The following SLC12A6 variants were observed in gnomAD, a reference collection of about 807,000 sequenced individuals.
The protein encoded by SLC12A6 is K-Cl cotransporter 3.
In SLC12A6, 66 loss-of-function variants were observed where a neutral mutation model predicts 135.3. The observed-to-expected ratio is 0.49, with a 90% confidence interval of 0.40 to 0.60. The LOEUF (loss-of-function observed/expected upper bound fraction) is 0.60. SLC12A6 is among the 20% of genes least tolerant of loss of function. The pLI is 0.00. For synonymous variants in SLC12A6, 513 were observed against 508.8 expected (o/e 1.01, Z -0.11); for missense variants, 1,058 against 1,452.3 (o/e 0.73, Z 4.41).
At chr15:34,254,220 A>G (rs1468769371) in intron 9 of SLC12A6, 128 bp downstream of exon 9, 2 of 964,848 alleles carry the variant, frequency 2.1e-6, no homozygotes, top group Non-Finnish European at 1.7e-6. Context: ...AAGGAAGTCT[A>G]ACTGGGCTTA....
At chr15:34,305,427 A>G (rs1486660787) in intron 2 of SLC12A6, among the ~76,000 whole-genome samples, 1 of 150,368 alleles carries the variant, frequency 6.7e-6, no homozygotes, top group East Asian at 1.9e-4. Flanking sequence ...ATGCTTTGAA[A>G]TATTTATTTT....
intron 2 of SLC12A6, among the ~76,000 whole-genome samples, chr15:34,290,063 T>C (rs1895408699): frequency 6.6e-6 from 1 of 152,182 alleles, no homozygotes; most frequent in African/African-American, 2.4e-5. Flanking sequence ...CTTTCAATTG[T>C]GATGTTAGGG....
At chr15:34,301,650 C>G (rs536226860) in intron 2 of SLC12A6, among the ~76,000 whole-genome samples, 31 of 152,352 alleles carry the variant, frequency 2.0e-4, no homozygotes, top group African/African-American at 7.5e-4. Flanking sequence ...TGTGAATTTA[C>G]TTAGCAATCG....
chr15:34,255,459 CAG>C, intron 7 of SLC12A6, 67 bp from the exon 8 acceptor site: 1 of 1,189,300 alleles, frequency 8.4e-7, no homozygotes, highest in Admixed American at 1.8e-5. Flanking sequence ...ATGAATAAAA[CAG>C]AAATAAGAAA....
intron 2 of SLC12A6, among the ~76,000 whole-genome samples, chr15:34,300,815 A>G (rs961538472): frequency 1.4e-5 from 2 of 146,236 alleles, no homozygotes; most frequent in African/African-American, 5.2e-5. Context: ...AAAAAAAAAA[A>G]GAATGAGAGG....
At chr15:34,290,974 T>C (rs1895480408) in intron 2 of SLC12A6, among the ~76,000 whole-genome samples, 1 of 152,212 alleles carries the variant, frequency 6.6e-6, no homozygotes, top group South Asian at 2.1e-4. Context: ...GCACTTACCC[T>C]ATTTACATTT....
At chr15:34,266,008 CT>C (rs34173980) in intron 3 of SLC12A6, among the ~76,000 whole-genome samples, 26,925 of 102,224 alleles carry the variant, frequency 0.26, 2,853 homozygotes, top group Middle Eastern at 0.39. Context: ...ATACAGAAAG[CT>C]TTTTTTTTTT....
At chr15:34,306,431 C>A (rs1896618857) in intron 2 of SLC12A6, among the ~76,000 whole-genome samples, 1 of 152,214 alleles carries the variant, frequency 6.6e-6, no homozygotes, top group East Asian at 1.9e-4. Flanking sequence ...AAACCAAGTT[C>A]TTTCCTGGAT....
chr15:34,235,118 G>C (rs1427487439), intron 25 of SLC12A6, 63 bp downstream of exon 25: 1 of 1,439,954 alleles, frequency 6.9e-7, no homozygotes, highest in African/African-American at 1.4e-5. Flanking sequence ...TTGTTACCTA[G>C]TTATCTCAGA....
At chr15:34,248,049 T>C (rs1433929727) in intron 13 of SLC12A6, among the ~76,000 whole-genome samples, 1 of 152,250 alleles carries the variant, frequency 6.6e-6, no homozygotes, top group East Asian at 1.9e-4. Context: ...TAAAACTTTA[T>C]ATAAATGATA....
In SLC12A6 at chr15:34,239,172, A is replaced by G; in HGVS notation, c.2437-12T>C. 6.3e-7 allele frequency: 1 copy of G among 1,592,254 alleles called. No individual in the cohort carries two copies. The highest frequency in any genetic ancestry group is 8.6e-7 in the Non-Finnish European group (1 of 1,160,268). On this transcript the variant is annotated splice_polypyrimidine_tract_variant and intron_variant, in intron 19 of 25. Coordinates refer to ENST00000354181, the MANE Select transcript of SLC12A6 (RefSeq NM_001365088.1). Reference sequence around the variant, plus strand: ...AGGTGCTTTATGGTCTGAAAGAGACACAGGACCGCAACACTGAACTGGTTC... The same window carrying G: ...AGGTGCTTTATGGTCTGAAAGAGACGCAGGACCGCAACACTGAACTGGTTC...
At chr15:34,331,080 C>A (rs1889813130) in intron 2 of SLC12A6, among the ~76,000 whole-genome samples, 1 of 152,068 alleles carries the variant, frequency 6.6e-6, no homozygotes, top group South Asian at 2.1e-4. Context: ...AAGTAATAGT[C>A]ACCTATGATT....
At chr15:34,308,814 T>C (rs920624084) in intron 2 of SLC12A6, among the ~76,000 whole-genome samples, 4 of 151,990 alleles carry the variant, frequency 2.6e-5, no homozygotes, top group Admixed American at 2.0e-4. Flanking sequence ...GTTAAATCCA[T>C]GAAGATAATA....
intron 2 of SLC12A6, among the ~76,000 whole-genome samples, chr15:34,284,076 T>C (rs1894867876): frequency 6.6e-6 from 1 of 151,780 alleles, no homozygotes; most frequent in Admixed American, 6.6e-5. Context: ...TGCAGGCTGC[T>C]GGTTTGAGAA....
rs573729938 is a variant in SLC12A6, at chr15:34,250,193, C to A, written c.1649+105G>T. ...GTGCCGGGATTACAGGCATGAGCCA[C>A]GGTGCCTGGCTGTGTTGAGTCTGTA... is the stretch of plus-strand genomic sequence containing the variant. On this transcript the variant is annotated intron_variant, in intron 13 of 25. Transcript: ENST00000354181. The A allele has an allele frequency of 3.7e-6, 3 of 804,536 alleles. No homozygotes were observed. In the African/African-American group the frequency reaches 5.0e-5, roughly 14 times the overall value. 49.8% of individuals were successfully genotyped at this position (804,536 alleles called of 1,614,324 possible). A position where few individuals can be genotyped will look rare whatever the true frequency, so the allele number is the denominator to read the frequency against.
chr15:34,279,553 T>C (rs1172494829), intron 2 of SLC12A6, among the ~76,000 whole-genome samples: 1 of 152,182 alleles, frequency 6.6e-6, no homozygotes. Flanking sequence ...TTGTTCTGTG[T>C]CTAAACTCCC....
intron 10 of SLC12A6, 137 bp from the exon 11 acceptor site, chr15:34,251,194 T>C: frequency 1.4e-6 from 1 of 695,016 alleles, no homozygotes; most frequent in Non-Finnish European, 2.6e-6. Context: ...CATGAGCACA[T>C]GTATACACAC....
chr15:34,295,404 A>G (rs1015040289), intron 2 of SLC12A6, among the ~76,000 whole-genome samples: 5 of 152,220 alleles, frequency 3.3e-5, no homozygotes, highest in African/African-American at 4.8e-5. Flanking sequence ...GAATAATACT[A>G]TATCACAGAA....
At chr15:34,327,982 G>A (rs1463977698) in intron 2 of SLC12A6, among the ~76,000 whole-genome samples, 1 of 151,922 alleles carries the variant, frequency 6.6e-6, no homozygotes, top group Non-Finnish European at 1.5e-5. Flanking sequence ...TTTGCTCAAG[G>A]CCACGACAAA....
Sources: gnomAD v4.1 joint callset for allele counts (sites outside exome capture counted in the v4.1 genomes callset) on GRCh38, gnomAD v4.1.1 for gene constraint, MANE v1.5 for transcripts, NCBI Gene and HGNC (gene_info 2026-07-23, HGNC 2026-07-21) for gene names.